The following RMDN2 variants were observed in gnomAD, a reference collection of about 807,000 sequenced individuals.
RMDN2 encodes the protein regulator of microtubule dynamics protein 2.
In RMDN2, 61 loss-of-function variants were observed where a neutral mutation model predicts 52.8. The ratio of observed to expected loss-of-function variants is 1.16; its 90% CI spans 0.94 to 1.43. The LOEUF is 1.43. Among genes scored for constraint, RMDN2 ranks in the 40% most tolerant of loss-of-function variants. The pLI is 0.00. For synonymous variants in RMDN2, 180 were observed against 153.1 expected (o/e 1.18, Z -1.30); for missense variants, 592 against 475.3 (o/e 1.25, Z -2.28).
chr2:37,953,589 C>T (rs567913849), intron 2 of RMDN2, among the ~76,000 whole-genome samples: 2 of 152,102 alleles, frequency 1.3e-5, no homozygotes, highest in South Asian at 2.1e-4. Flanking sequence ...ATCCTTTATC[C>T]ACCAGTGGAC....
At chr2:38,015,167 A>G (rs1011377487) in intron 10 of RMDN2, among the ~76,000 whole-genome samples, 11 of 152,220 alleles carry the variant, frequency 7.2e-5, no homozygotes, top group African/African-American at 2.4e-4. Flanking sequence ...TCAAGTTTCT[A>G]TCTGTCTGGG....
intron 10 of RMDN2, among the ~76,000 whole-genome samples, chr2:38,051,988 G>C (rs1015490488): frequency 6.6e-6 from 1 of 152,194 alleles, no homozygotes; most frequent in Non-Finnish European, 1.5e-5. Context: ...ACATGGTGCA[G>C]GTATCCCTTT....
intron 5 of RMDN2, among the ~76,000 whole-genome samples, chr2:37,988,119 A>G (rs1674284200): frequency 6.6e-6 from 1 of 152,192 alleles, no homozygotes; most frequent in Non-Finnish European, 1.5e-5. Context: ...ATATATGGGA[A>G]TCCTCCATAC....
chr2:37,966,969 G>A (rs1671136997), intron 2 of RMDN2, among the ~76,000 whole-genome samples: 1 of 152,080 alleles, frequency 6.6e-6, no homozygotes, highest in Non-Finnish European at 1.5e-5. Context: ...TCAAATTTAT[G>A]GTGAAGCTTG....
intron 10 of RMDN2, among the ~76,000 whole-genome samples, chr2:38,010,116 C>T (rs1677738178): frequency 6.6e-6 from 1 of 152,142 alleles, no homozygotes; most frequent in African/African-American, 2.4e-5. Flanking sequence ...TGTCAGTCTG[C>T]CCTTGCTGGG....
chr2:38,047,540 A>C (rs1681347606), intron 10 of RMDN2, among the ~76,000 whole-genome samples: 1 of 152,220 alleles, frequency 6.6e-6, no homozygotes, highest in African/African-American at 2.4e-5. Context: ...AAACACATAT[A>C]TGAGTTTTTT....
At chr2:38,020,985 G>A (rs977595315), downstream of RMDN2, among the ~76,000 whole-genome samples, 11 of 152,220 alleles carry the variant, frequency 7.2e-5, no homozygotes, top group Admixed American at 2.0e-4. Context: ...GTCTGGTGGG[G>A]ACTTGGGGAA....
At chr2:37,997,606 T>C in intron 8 of RMDN2, 92 bp downstream of exon 8, 1 of 842,722 alleles carries the variant, frequency 1.2e-6, no homozygotes. Context: ...TTTCTCCATG[T>C]GGAGCCTCAG....
chr2:37,936,478 C>G (rs1667297696), intron 2 of RMDN2, among the ~76,000 whole-genome samples: 1 of 152,160 alleles, frequency 6.6e-6, no homozygotes, highest in Non-Finnish European at 1.5e-5. Context: ...CACTGTCTTC[C>G]AAAATGGTTA....
At chr2:37,947,736 A>T (rs890546327) in intron 2 of RMDN2, among the ~76,000 whole-genome samples, 1 of 152,200 alleles carries the variant, frequency 6.6e-6, no homozygotes, top group African/African-American at 2.4e-5. Context: ...TGCATTTTTC[A>T]ATAGCTGAAT....
At chr2:38,014,073 G>A (rs993570480) in intron 10 of RMDN2, among the ~76,000 whole-genome samples, 2 of 152,064 alleles carry the variant, frequency 1.3e-5, no homozygotes, top group African/African-American at 4.8e-5. Flanking sequence ...TTAGTCGGGC[G>A]TGGTGGCACA....
intron 4 of RMDN2, among the ~76,000 whole-genome samples, chr2:37,978,285 G>T (rs1672820955): frequency 6.9e-6 from 1 of 144,224 alleles, no homozygotes; most frequent in African/African-American, 2.6e-5. Flanking sequence ...GTCCAGCCTG[G>T]GCTCGGCATC....
intron 2 of RMDN2, among the ~76,000 whole-genome samples, chr2:37,948,519 A>C (rs971925652): frequency 2.0e-5 from 3 of 152,132 alleles, no homozygotes; most frequent in Non-Finnish European, 4.4e-5. Flanking sequence ...GAGAATTGGG[A>C]ATGAATTGAA....
chr2:38,059,920 C>T (rs1681975401), intron 10 of RMDN2, among the ~76,000 whole-genome samples: 2 of 151,674 alleles, frequency 1.3e-5, no homozygotes, highest in African/African-American at 2.4e-5. Context: ...GTTTTTGAGA[C>T]GGAGTCTCGC....
intron 2 of RMDN2, among the ~76,000 whole-genome samples, chr2:37,970,159 C>T (rs4670801): frequency 0.39 from 58,887 of 152,012 alleles, 12,309 homozygotes; most frequent in South Asian, 0.51. Flanking sequence ...TTTTGGACTC[C>T]TGGGCTCAAG....
intron 8 of RMDN2, among the ~76,000 whole-genome samples, chr2:37,998,847 A>G (rs1675931238): frequency 6.6e-6 from 1 of 152,198 alleles, no homozygotes; most frequent in Non-Finnish European, 1.5e-5. Context: ...TGCATTTCAC[A>G]CAATGACAAT....
chr2:37,927,677 A>G (rs964371198), intron 1 of RMDN2, among the ~76,000 whole-genome samples: 3 of 152,248 alleles, frequency 2.0e-5, no homozygotes, highest in Admixed American at 2.0e-4. Flanking sequence ...TGCCTGAATA[A>G]TTTTATTGAC....
intron 2 of RMDN2, among the ~76,000 whole-genome samples, chr2:37,931,874 G>A (rs964541444): frequency 6.6e-6 from 1 of 152,118 alleles, no homozygotes; most frequent in Non-Finnish European, 1.5e-5. Flanking sequence ...GCCTTTGTTA[G>A]CAATAAAATA....
chr2:38,053,548 G>A (rs559582678), intron 10 of RMDN2, among the ~76,000 whole-genome samples: 9 of 152,066 alleles, frequency 5.9e-5, no homozygotes, highest in African/African-American at 1.7e-4. Flanking sequence ...TCCACAAAAC[G>A]GTTTGCAAAG....
Sources: gnomAD v4.1 joint callset for allele counts (sites outside exome capture counted in the v4.1 genomes callset) on GRCh38, gnomAD v4.1.1 for gene constraint, MANE v1.5 for transcripts, NCBI Gene and HGNC (gene_info 2026-07-23, HGNC 2026-07-21) for gene names.